GRM5: variants seen among roughly 807,000 people sequenced by gnomAD.
GRM5 encodes metabotropic glutamate receptor 5.
In GRM5, 19 loss-of-function variants were observed where a neutral mutation model predicts 83.1. The ratio of observed to expected loss-of-function variants is 0.23; its 90% CI spans 0.16 to 0.34. The LOEUF (loss-of-function observed/expected upper bound fraction) is 0.34. GRM5 is among the 10% of genes least tolerant of loss of function. GRM5 has a pLI of 1.00. For synonymous variants in GRM5, 675 were observed against 633.6 expected (o/e 1.07, Z -0.98); for missense variants, 1,160 against 1,588.3 (o/e 0.73, Z 4.58).
At chr11:88,764,092 A>G (rs957764941) in intron 3 of GRM5, among the ~76,000 whole-genome samples, 16 of 151,852 alleles carry the variant, frequency 1.1e-4, no homozygotes, top group African/African-American at 3.9e-4. Flanking sequence ...GAAAAAAGAG[A>G]CTTTAAATTT....
chr11:88,703,169 G>C (rs557793721), intron 3 of GRM5, among the ~76,000 whole-genome samples: 7 of 151,962 alleles, frequency 4.6e-5, no homozygotes, highest in Non-Finnish European at 1.0e-4. Context: ...TGGAGAAAGC[G>C]CTGGGTCCTC....
At chr11:88,804,200 G>A (rs1359079200) in intron 3 of GRM5, among the ~76,000 whole-genome samples, 1 of 149,494 alleles carries the variant, frequency 6.7e-6, no homozygotes, top group East Asian at 2.0e-4. Flanking sequence ...ATACCCAAAG[G>A]ACTATAAATC....
intron 9 of GRM5, among the ~76,000 whole-genome samples, chr11:88,514,526 G>A (rs1941471996): frequency 6.6e-6 from 1 of 151,948 alleles, no homozygotes; most frequent in South Asian, 2.1e-4. Flanking sequence ...TCATTAGGAA[G>A]CAAACATTAA....
chr11:88,512,971 A>C (rs189423123), intron 9 of GRM5, among the ~76,000 whole-genome samples: 59 of 152,268 alleles, frequency 3.9e-4, no homozygotes, highest in African/African-American at 1.3e-3. Context: ...TGGCCTCTTC[A>C]CACCCTAAAC....
intron 3 of GRM5, among the ~76,000 whole-genome samples, chr11:88,664,267 A>C (rs976314405): frequency 2.0e-5 from 3 of 152,006 alleles, no homozygotes; most frequent in Non-Finnish European, 4.4e-5. Flanking sequence ...TTATATATAC[A>C]GTTGGCCCTC....
intron 2 of GRM5, among the ~76,000 whole-genome samples, chr11:88,874,724 T>C (rs666773): frequency 0.99 from 149,911 of 151,984 alleles, 73,962 homozygotes; most frequent in East Asian, 1. Flanking sequence ...AATATATAGG[T>C]ATACAAGGGA....
chr11:88,942,812 A>G (rs1938158678), intron 2 of GRM5, among the ~76,000 whole-genome samples: 1 of 151,478 alleles, frequency 6.6e-6, no homozygotes, highest in South Asian at 2.1e-4. Context: ...ACAATATTTT[A>G]TTTGCTTTTA....
chr11:88,562,026 T>C (rs754388268), intron 8 of GRM5, among the ~76,000 whole-genome samples: 10 of 152,130 alleles, frequency 6.6e-5, no homozygotes, highest in Non-Finnish European at 2.9e-5. Context: ...TCAGGCCCCA[T>C]AAACATGTCT....
chr11:88,712,043 A>G lies in GRM5; in HGVS notation c.912-58640T>C, dbSNP rs77920800. 4.1e-3 allele frequency among the ~76,000 whole-genome samples: 620 copies of G among 152,204 alleles called. 13 individuals are homozygous for G. The East Asian group carries it at 0.061, about 15-fold the overall frequency. The stretch of plus-strand genomic sequence containing the variant: ...CTCAGACAGTGTTTGATGAATGAGT[A>G]TATAAAGCACAGTGACAGAAGGTAT... On this transcript the variant is annotated intron_variant, in intron 3 of 9. Coordinates refer to ENST00000305447, the MANE Select transcript of GRM5 (RefSeq NM_001143831.3).
At chr11:88,739,663 T>C (rs965785993) in intron 3 of GRM5, among the ~76,000 whole-genome samples, 4 of 152,084 alleles carry the variant, frequency 2.6e-5, no homozygotes, top group Non-Finnish European at 5.9e-5. Flanking sequence ...GATGGTTTTA[T>C]AAGTGTTTGG....
chr11:88,745,107 G>A (rs1942105730), intron 3 of GRM5, among the ~76,000 whole-genome samples: 1 of 151,856 alleles, frequency 6.6e-6, no homozygotes, highest in African/African-American at 2.4e-5. Flanking sequence ...AAATGGAAAA[G>A]CCAGATTTTA....
chr11:88,552,118 G>A (rs1389927297), intron 8 of GRM5, among the ~76,000 whole-genome samples: 1 of 150,982 alleles, frequency 6.6e-6, no homozygotes, highest in Non-Finnish European at 1.5e-5. Context: ...TCAAACTCCT[G>A]GGCTCAAGTG....
chr11:88,781,248 C>A (rs1056549605), intron 3 of GRM5, among the ~76,000 whole-genome samples: 2 of 151,356 alleles, frequency 1.3e-5, no homozygotes, highest in Admixed American at 1.3e-4. Context: ...AGAGAAAATT[C>A]AACATCTGTA....
At chr11:88,938,072 G>A (rs1590979383) in intron 2 of GRM5, among the ~76,000 whole-genome samples, 3 of 151,838 alleles carry the variant, frequency 2.0e-5, no homozygotes, top group African/African-American at 4.8e-5. Context: ...CAAGGAAAAT[G>A]ATTATGTGAG....
chr11:88,936,247 A>C (rs1937889842), intron 2 of GRM5, among the ~76,000 whole-genome samples: 1 of 151,910 alleles, frequency 6.6e-6, no homozygotes, highest in Non-Finnish European at 1.5e-5. Flanking sequence ...TGGTTGTAAG[A>C]GATTTAAAAT....
chr11:88,665,761 A>G (rs1406837599), intron 3 of GRM5, among the ~76,000 whole-genome samples: 1 of 151,738 alleles, frequency 6.6e-6, no homozygotes, highest in East Asian at 1.9e-4. Context: ...CCTCCTCTGA[A>G]GACAACTAGA....
At chr11:88,821,053 C>G (rs1042465337) in intron 3 of GRM5, among the ~76,000 whole-genome samples, 3 of 151,880 alleles carry the variant, frequency 2.0e-5, no homozygotes, top group African/African-American at 7.3e-5. Flanking sequence ...ATCACTGAAG[C>G]CAGGAAGTTT....
chr11:88,760,368 A>G (rs900012660), intron 3 of GRM5, among the ~76,000 whole-genome samples: 2 of 152,128 alleles, frequency 1.3e-5, no homozygotes, highest in African/African-American at 4.8e-5. Context: ...TAGAAATGAC[A>G]AAGGTGATTT....
chr11:88,550,977 C>T (rs308791), intron 8 of GRM5, among the ~76,000 whole-genome samples: 84,513 of 151,614 alleles, frequency 0.56, 26,071 homozygotes, highest in African/African-American at 0.85. Context: ...AACTTCCTTA[C>T]TTATAAAATG....
Sources: gnomAD v4.1 joint callset for allele counts (sites outside exome capture counted in the v4.1 genomes callset) on GRCh38, gnomAD v4.1.1 for gene constraint, MANE v1.5 for transcripts, NCBI Gene and HGNC (gene_info 2026-07-23, HGNC 2026-07-21) for gene names.